DGKH: variants seen among roughly 807,000 people sequenced by gnomAD.
The protein encoded by DGKH is diacylglycerol kinase eta.
Under a neutral mutation model 159.3 loss-of-function variants are expected in DGKH, and 90 were observed. The observed-to-expected ratio is 0.57, with a 90% CI of 0.48 to 0.67. The LOEUF (loss-of-function observed/expected upper bound fraction) is 0.67, where lower values mean the gene tolerates loss of function less well. Ranked by LOEUF, DGKH falls within the 30% of genes least tolerant of loss-of-function variation. The pLI, the probability that DGKH is intolerant of heterozygous loss-of-function variation, is 0.00. For synonymous variants in DGKH, 536 were observed against 553.8 expected (o/e 0.97, Z 0.45); for missense variants, 1,181 against 1,506.1 (o/e 0.78, Z 3.57).
intron 30 of DGKH, among the ~76,000 whole-genome samples, chr13:42,255,049 T>C (rs1029829047): frequency 9.9e-5 from 15 of 152,032 alleles, no homozygotes; most frequent in Non-Finnish European, 1.9e-4. Flanking sequence ...AAATCTATTA[T>C]TTTTGCGTGT....
intron 3 of DGKH, among the ~76,000 whole-genome samples, chr13:42,151,614 C>CACACA (rs1491452215): frequency 1.7e-5 from 1 of 58,710 alleles, no homozygotes. Context: ...CACACACACA[C>CACACA]CCCATGGAAA....
intron 22 of DGKH, 66 bp downstream of exon 22, chr13:42,209,138 A>G (rs1375987951): frequency 1.2e-5 from 17 of 1,475,450 alleles, no homozygotes; most frequent in Non-Finnish European, 1.6e-5. Flanking sequence ...AATCTATTCT[A>G]AACAACTCGT....
intron 1 of DGKH, among the ~76,000 whole-genome samples, chr13:42,068,155 C>T (rs528952415): frequency 3.9e-5 from 6 of 152,138 alleles, no homozygotes; most frequent in East Asian, 1.9e-4. Context: ...GACATAGATT[C>T]GGCTAGGTAG....
chr13:42,070,341 A>C, intron 1 of DGKH: 1 of 1,412,240 alleles, frequency 7.1e-7, no homozygotes, highest in Non-Finnish European at 1.0e-6. Flanking sequence ...CCTCATGTGC[A>C]ACAGGAATAG....
At chr13:42,083,382 G>A (rs1037065295) in intron 1 of DGKH, among the ~76,000 whole-genome samples, 1 of 152,074 alleles carries the variant, frequency 6.6e-6, no homozygotes, top group African/African-American at 2.4e-5. Flanking sequence ...TCTTTTTTCC[G>A]CTTGTAAAAT....
intron 29 of DGKH, among the ~76,000 whole-genome samples, chr13:42,250,940 A>AT (rs1394568596): frequency 1.3e-5 from 2 of 152,188 alleles, no homozygotes; most frequent in Admixed American, 6.5e-5. Flanking sequence ...ATATCGGCTG[A>AT]TTTGAAAGTG....
At chr13:42,166,817 C>A in intron 9 of DGKH, 143 bp downstream of exon 9, 1 of 667,064 alleles carries the variant, frequency 1.5e-6, no homozygotes, top group Non-Finnish European at 2.2e-6. Context: ...TTTAACACAA[C>A]CTTTTGGATA....
intron 1 of DGKH, among the ~76,000 whole-genome samples, chr13:42,050,245 C>T (rs1319336617): frequency 1.3e-5 from 2 of 152,114 alleles, no homozygotes; most frequent in African/African-American, 4.8e-5. Flanking sequence ...GAGGCGTGCA[C>T]CTGAGATCCC....
intron 3 of DGKH, among the ~76,000 whole-genome samples, chr13:42,151,324 ATGTGTACACAT>A (rs1172279426): frequency 1.3e-5 from 2 of 151,736 alleles, no homozygotes; most frequent in East Asian, 3.9e-4. Flanking sequence ...CACTATGTCC[ATGTGTACACAT>A]TATTTAACTC....
At chr13:42,064,685 G>T (rs993488464) in intron 1 of DGKH, among the ~76,000 whole-genome samples, 5 of 152,082 alleles carry the variant, frequency 3.3e-5, no homozygotes, top group African/African-American at 1.2e-4. Flanking sequence ...AGAAAAGAAA[G>T]AGTACTAAAA....
At chr13:42,179,166 G>A (rs1956681482) in intron 13 of DGKH, among the ~76,000 whole-genome samples, 1 of 152,194 alleles carries the variant, frequency 6.6e-6, no homozygotes, top group Non-Finnish European at 1.5e-5. Flanking sequence ...AGCAAGGGAA[G>A]CACACTAGTT....
chr13:42,040,546 C>T (rs530237611), intron 1 of DGKH, among the ~76,000 whole-genome samples: 1 of 151,406 alleles, frequency 6.6e-6, no homozygotes, highest in East Asian at 2.0e-4. Context: ...GGGAGGGCGC[C>T]GGGGGCGGAG....
chr13:42,093,223 G>A (rs996891221), intron 1 of DGKH, among the ~76,000 whole-genome samples: 23 of 149,224 alleles, frequency 1.5e-4, no homozygotes, highest in Non-Finnish European at 2.5e-4. Flanking sequence ...CAGCCTGGGC[G>A]TCAGAGCAAA....
chr13:42,040,418 C>G (rs1880410657), intron 1 of DGKH, among the ~76,000 whole-genome samples: 1 of 151,862 alleles, frequency 6.6e-6, no homozygotes, highest in African/African-American at 2.4e-5. Context: ...CGTGACCACC[C>G]GGCGGCCGCT....
chr13:42,201,191 C>T (rs377495270), intron 20 of DGKH, among the ~76,000 whole-genome samples: 4 of 152,206 alleles, frequency 2.6e-5, no homozygotes, highest in South Asian at 2.1e-4. Flanking sequence ...TGGGGTTTCA[C>T]CATGTTGGCC....
At chr13:42,203,671 A>G (rs1466532638) in intron 20 of DGKH, among the ~76,000 whole-genome samples, 1 of 152,102 alleles carries the variant, frequency 6.6e-6, no homozygotes, top group Non-Finnish European at 1.5e-5. Context: ...AAATAGAAAC[A>G]TGGGATGGCT....
chr13:42,042,714 T>G lies in DGKH; in HGVS notation c.-13+2588T>G, dbSNP rs574498815. On this transcript the variant is annotated intron_variant, in intron 1 of 29. Transcript: ENST00000379274. ...GTTCTTAACTAAACAGAATGTCTTG[T>G]TTCGTATATGTTAATGGTTTACAAT... 4.6e-5 allele frequency among the ~76,000 whole-genome samples: 7 copies of G among 152,306 alleles called. No individual in the cohort carries two copies. In the East Asian group the frequency reaches 1.3e-3, roughly 29 times the overall value.
At chr13:42,183,353 A>T (rs889528842) in intron 13 of DGKH, among the ~76,000 whole-genome samples, 1 of 152,164 alleles carries the variant, frequency 6.6e-6, no homozygotes, top group African/African-American at 2.4e-5. Flanking sequence ...TTACTGAGGC[A>T]TGACATATAC....
intron 11 of DGKH, among the ~76,000 whole-genome samples, chr13:42,172,832 C>A (rs2138036869): frequency 1.3e-5 from 2 of 152,074 alleles, no homozygotes; most frequent in East Asian, 3.9e-4. Context: ...CGCCACCACA[C>A]CTGGCTAATT....
Sources: allele counts gnomAD v4.1 joint callset (sites outside exome capture counted in the v4.1 genomes callset), GRCh38; gene constraint gnomAD v4.1.1; transcripts MANE v1.5; gene names NCBI Gene and HGNC (gene_info 2026-07-23, HGNC 2026-07-21).